The following PMPCB variants were observed in gnomAD, a reference collection of about 807,000 sequenced individuals.
PMPCB encodes peptidase, mitochondrial processing subunit beta.
A neutral mutation model predicts 61.5 loss-of-function variants in PMPCB; 46 were observed. The ratio of observed to expected loss-of-function variants is 0.75; its 90% CI spans 0.59 to 0.96. The LOEUF (loss-of-function observed/expected upper bound fraction) is 0.96. Ranked by LOEUF, PMPCB falls within the 40% of genes least tolerant of loss-of-function variation. The pLI is 0.00. For missense variants in PMPCB, 590 were observed against 602.4 expected, an observed-to-expected ratio of 0.98 and a Z score of 0.22; for synonymous variants, 191 against 201.6, an observed-to-expected ratio of 0.95 and a Z score of 0.44.
At chr7:103,326,532 C>A (rs1395228993) in intron 12 of PMPCB, 1 of 1,613,688 alleles carries the variant, frequency 6.2e-7, no homozygotes, top group Non-Finnish European at 8.5e-7. Flanking sequence ...AAAAGGGATG[C>A]CTTAACTTAC....
At chr7:103,317,693 C>T (rs921085410), downstream of PMPCB, among the ~76,000 whole-genome samples, 2 of 152,212 alleles carry the variant, frequency 1.3e-5, no homozygotes, top group Admixed American at 6.5e-5. Flanking sequence ...CTCTGTCGCC[C>T]AGGCTGGAGT....
chr7:103,329,978 C>A (rs555492858), downstream of PMPCB, among the ~76,000 whole-genome samples: 5 of 152,278 alleles, frequency 3.3e-5, no homozygotes, highest in East Asian at 9.6e-4. Context: ...AAGCAGGCTG[C>A]TTCACCCCTG....
the PMPCB span, chr7:103,335,526 C>CT: frequency 6.6e-6 from 1 of 150,428 alleles, no homozygotes; most frequent in Non-Finnish European, 1.5e-5. Flanking sequence ...AATTTCTTTT[C>CT]TTTCTTTCTT....
At chr7:103,344,325 C>A in the PMPCB span, 1 of 582,110 alleles carries the variant, frequency 1.7e-6, no homozygotes, top group East Asian at 2.9e-5. Flanking sequence ...TCAGCAGCGG[C>A]GAGAGGAGGA....
At chr7:103,343,226 G>A in the PMPCB span, among the ~76,000 whole-genome samples, 1 of 151,186 alleles carries the variant, frequency 6.6e-6, no homozygotes, top group South Asian at 2.1e-4. Context: ...GTCTCGAACT[G>A]CTGACCTCAG....
chr7:103,306,597 G>A (rs1166594528), intron 6 of PMPCB, among the ~76,000 whole-genome samples: 1 of 152,030 alleles, frequency 6.6e-6, no homozygotes, highest in African/African-American at 2.4e-5. Flanking sequence ...GATCAGGCTG[G>A]TCTACCTCTA....
At chr7:103,297,963 T>C in intron 1 of PMPCB, 1 of 1,202,220 alleles carries the variant, frequency 8.3e-7, no homozygotes, top group Non-Finnish European at 1.0e-6. Context: ...AGTAAAATTT[T>C]TTATGTATTT....
At position 103,299,487 on chromosome 7, in the gene PMPCB, G is replaced by C; in HGVS notation, c.285G>C (p.Lys95Asn). Residue 95 changes from lysine to asparagine, a missense_variant, in exon 3 of 13, where the codon AAG (lysine) becomes AAC (asparagine). By Grantham distance (94) the Lys-to-Asn change is moderately conservative. Coordinates refer to ENST00000249269, the MANE Select transcript of PMPCB (RefSeq NM_004279.3). ...IDAGSRYENE[K>N]NNGTAHFLEH... ...CTGGAAGTAGATACGAAAATGAGAA[G>C]AACAATGGAACAGCACACTTTCTGG... is the stretch of plus-strand genomic sequence containing the variant. 2 of 1,612,884 alleles carry C rather than the reference G, an allele frequency of 1.2e-6. No homozygotes were observed. The highest frequency in any genetic ancestry group is 1.7e-6 in the Non-Finnish European group (2 of 1,179,150).
Position 103,297,470 on chromosome 7 carries a change from C to G in PMPCB, c.11C>G (p.Ala4Gly), listed in dbSNP as rs577306260. The change falls in exon 1 of 13, where the codon GCG becomes GGG. Residue 4 changes from alanine to glycine, a missense_variant. Transcript: ENST00000249269. MAA[A>G]AARVVLSSAA... is the part of the protein sequence containing the mutation. ...TTCCTTCTAGCAGAAATGGCGGCTG[C>G]GGCGGCTCGAGTGGTGTTGTCATCC... is the stretch of plus-strand genomic sequence containing the variant. 4 of 1,542,740 alleles carry G rather than the reference C, an allele frequency of 2.6e-6. No individual in the cohort carries two copies. Among genetic ancestry groups the G allele is most frequent in the Non-Finnish European group, 3.5e-6 (4 of 1,144,400 alleles).
intron 6 of PMPCB, among the ~76,000 whole-genome samples, chr7:103,306,960 T>C (rs1477280003): frequency 6.6e-6 from 1 of 151,970 alleles, no homozygotes; most frequent in African/African-American, 2.4e-5. Context: ...GGTTTTACCA[T>C]ATTGGCCAGG....
downstream of PMPCB, among the ~76,000 whole-genome samples, chr7:103,333,347 C>G (rs35399723): frequency 0.065 from 9,932 of 152,214 alleles, 393 homozygotes; most frequent in South Asian, 0.13. Context: ...ACAGATTTAG[C>G]TGCCAGTCCT....
At chr7:103,347,475 T>C in the PMPCB span, 28 of 446,026 alleles carry the variant, frequency 6.3e-5, no homozygotes, top group African/African-American at 4.9e-4. Context: ...ACTTATTGTG[T>C]CTAATATGCC....
downstream of PMPCB, chr7:103,316,072 T>C: frequency 6.3e-7 from 1 of 1,583,452 alleles, no homozygotes; most frequent in Non-Finnish European, 8.6e-7. Context: ...TTCATGTAAT[T>C]AGCAATAACT....
downstream of PMPCB, among the ~76,000 whole-genome samples, chr7:103,331,239 T>C (rs1377460836): frequency 1.3e-5 from 2 of 152,240 alleles, no homozygotes; most frequent in African/African-American, 4.8e-5. Context: ...ATTACAGGCG[T>C]GAGCCACTGT....
At position 103,313,294 on chromosome 7, in the gene PMPCB, C is replaced by A; in HGVS notation, c.*1023C>A. On this transcript the variant is annotated 3_prime_UTR_variant, in exon 13 of 13. Transcript: ENST00000249269. ...GAAAAAATTTCAGATAGCTCACATC[C>A]CAGAAAATAAAATCTCAAAGGCTTT... 7.6e-7 allele frequency: 1 copy of A among 1,321,486 alleles called. No homozygotes were observed. The highest frequency in any genetic ancestry group is 2.3e-5 in the South Asian group (1 of 43,794). 81.9% of individuals were successfully genotyped at this position (1,321,486 alleles called of 1,614,324 possible).
At chr7:103,297,658 A>G (rs528036091) in intron 1 of PMPCB, 100 bp downstream of exon 1, 5 of 1,559,542 alleles carry the variant, frequency 3.2e-6, no homozygotes, top group Non-Finnish European at 4.3e-6. Flanking sequence ...TGGGTCGGGC[A>G]GGGCCTCCTC....
chr7:103,315,001 C>T (rs1249998142), downstream of PMPCB, among the ~76,000 whole-genome samples: 2 of 152,124 alleles, frequency 1.3e-5, no homozygotes, highest in East Asian at 3.9e-4. Context: ...CAAAGACACA[C>T]GTGATCAAGA....
the PMPCB span, chr7:103,337,790 G>T: frequency 2.5e-6 from 4 of 1,613,408 alleles, no homozygotes; most frequent in Admixed American, 6.7e-5. Context: ...CCAAGTCCAA[G>T]AACTGCATAA....
downstream of PMPCB, chr7:103,315,751 A>C (rs781077821): frequency 5.6e-6 from 9 of 1,605,228 alleles, no homozygotes; most frequent in Non-Finnish European, 7.7e-6. Flanking sequence ...ACGTTTAGAA[A>C]AGCAAAATTT....
Sources: allele counts gnomAD v4.1 joint callset (sites outside exome capture counted in the v4.1 genomes callset), GRCh38; gene constraint gnomAD v4.1.1; transcripts MANE v1.5; gene names NCBI Gene and HGNC (gene_info 2026-07-23, HGNC 2026-07-21).